SCOC: variants seen among roughly 807,000 people sequenced by gnomAD.
The protein encoded by SCOC is short coiled-coil protein.
A neutral mutation model predicts 9.9 loss-of-function variants in SCOC; 7 were observed. The observed-to-expected ratio is 0.71, with a 90% CI of 0.40 to 1.33. The LOEUF is 1.33. Ranked by LOEUF, SCOC falls within the 40% of genes most tolerant of loss-of-function variation. The pLI is 0.01. For missense variants in SCOC, 66 were observed against 89.7 expected (o/e 0.74, Z 1.07); for synonymous variants, 19 against 28.2 (o/e 0.67, Z 1.03).
At chr4:140,329,895 A>C (rs1389323457) in intron 1 of SCOC, among the ~76,000 whole-genome samples, 1 of 152,222 alleles carries the variant, frequency 6.6e-6, no homozygotes, top group Non-Finnish European at 1.5e-5. Flanking sequence ...AACAGTGTGG[A>C]GTTTCCTTAA....
intron 1 of SCOC, among the ~76,000 whole-genome samples, chr4:140,335,741 G>A (rs68039478): frequency 0.2 from 29,944 of 152,040 alleles, 3,842 homozygotes; most frequent in African/African-American, 0.36. Context: ...CTGGCTTCCA[G>A]TGTTCTTCAT....
At chr4:140,276,948 A>G (rs563205950) in intron 1 of SCOC, among the ~76,000 whole-genome samples, 2 of 152,186 alleles carry the variant, frequency 1.3e-5, no homozygotes, top group South Asian at 2.1e-4. Context: ...TGCTAATAAT[A>G]TTACTCTCTC....
At chr4:140,324,299 C>T (rs575966172) in intron 1 of SCOC, among the ~76,000 whole-genome samples, 11 of 152,216 alleles carry the variant, frequency 7.2e-5, no homozygotes, top group Admixed American at 3.3e-4. Context: ...GGGAATAAAG[C>T]GAGGATGTCC....
chr4:140,308,542 G>A (rs1732056414), intron 1 of SCOC, among the ~76,000 whole-genome samples: 1 of 152,190 alleles, frequency 6.6e-6, no homozygotes, highest in Non-Finnish European at 1.5e-5. Flanking sequence ...ATTCTTTGAT[G>A]ACACCAAGTT....
At chr4:140,259,392 A>G (rs922902474) in intron 1 of SCOC, among the ~76,000 whole-genome samples, 1 of 152,074 alleles carries the variant, frequency 6.6e-6, no homozygotes, top group African/African-American at 2.4e-5. Context: ...TAGCTTTCTC[A>G]TTGTCTACCT....
intron 1 of SCOC, among the ~76,000 whole-genome samples, chr4:140,317,074 C>G (rs1732342389): frequency 6.6e-6 from 1 of 152,112 alleles, no homozygotes; most frequent in South Asian, 2.1e-4. Flanking sequence ...CTTCCGTTGT[C>G]CATGATCTTA....
intron 1 of SCOC, among the ~76,000 whole-genome samples, chr4:140,271,672 T>C (rs1339265183): frequency 6.6e-6 from 1 of 152,288 alleles, no homozygotes; most frequent in Non-Finnish European, 1.5e-5. Flanking sequence ...GGAAGATGTT[T>C]CCATGTGGAC....
At chr4:140,363,227 C>G (rs528621299) in intron 2 of SCOC, among the ~76,000 whole-genome samples, 51 of 152,180 alleles carry the variant, frequency 3.4e-4, no homozygotes, top group Non-Finnish European at 5.6e-4. Context: ...AGTCCTTAGA[C>G]TCTGACCCAG....
chr4:140,304,871 C>A (rs1043725757), intron 1 of SCOC, among the ~76,000 whole-genome samples: 4 of 152,188 alleles, frequency 2.6e-5, no homozygotes, highest in African/African-American at 7.2e-5. Flanking sequence ...CATAAGTACC[C>A]CTTTTCTCCT....
intron 1 of SCOC, among the ~76,000 whole-genome samples, chr4:140,270,969 C>T (rs776799367): frequency 1.3e-5 from 2 of 152,186 alleles, no homozygotes; most frequent in Non-Finnish European, 2.9e-5. Flanking sequence ...CTGGACCCCC[C>T]AAACCATGCT....
At chr4:140,282,776 A>G (rs910644573) in intron 1 of SCOC, among the ~76,000 whole-genome samples, 1 of 152,062 alleles carries the variant, frequency 6.6e-6, no homozygotes, top group Admixed American at 6.5e-5. Flanking sequence ...ACATTCAGGT[A>G]CCTCCCTGCT....
intron 1 of SCOC, among the ~76,000 whole-genome samples, chr4:140,276,784 A>G (rs539429212): frequency 6.6e-6 from 1 of 152,098 alleles, no homozygotes; most frequent in Non-Finnish European, 1.5e-5. Flanking sequence ...GCAAAAAAAA[A>G]ACCATGTCTG....
chr4:140,373,276 G>T (rs1305917422), upstream of SCOC: 1 of 1,317,436 alleles, frequency 7.6e-7, no homozygotes, highest in Non-Finnish European at 9.7e-7. Flanking sequence ...TTTCCTGAAT[G>T]ACTTCTCTGT....
At chr4:140,291,573 CA>C (rs1560686181) in intron 1 of SCOC, 1 of 449,724 alleles carries the variant, frequency 2.2e-6, no homozygotes, top group Admixed American at 2.4e-5. Flanking sequence ...AGCAACAGAA[CA>C]AAAAAGAATT....
chr4:140,308,415 C>T (rs1732051976), intron 1 of SCOC, among the ~76,000 whole-genome samples: 1 of 152,158 alleles, frequency 6.6e-6, no homozygotes, highest in African/African-American at 2.4e-5. Context: ...ACTGTATGCA[C>T]ACTGGAGAAA....
At chr4:140,339,549 C>T (rs1462164512), upstream of SCOC, among the ~76,000 whole-genome samples, 1 of 152,176 alleles carries the variant, frequency 6.6e-6, no homozygotes, top group Non-Finnish European at 1.5e-5. Context: ...GCAATCTACT[C>T]ATCTGACAAA....
upstream of SCOC, among the ~76,000 whole-genome samples, chr4:140,343,288 C>T (rs996037509): frequency 6.6e-6 from 1 of 152,208 alleles, no homozygotes; most frequent in African/African-American, 2.4e-5. Context: ...TTTCTTCCCC[C>T]AACCTTATCC....
chr4:140,335,025 T>G (rs1732920231), intron 1 of SCOC, among the ~76,000 whole-genome samples: 1 of 152,244 alleles, frequency 6.6e-6, no homozygotes, highest in Non-Finnish European at 1.5e-5. Flanking sequence ...AAGTGATTAT[T>G]TCACTTGGTA....
At chr4:140,276,196 G>A (rs972617067) in intron 1 of SCOC, among the ~76,000 whole-genome samples, 2 of 152,110 alleles carry the variant, frequency 1.3e-5, no homozygotes, top group Admixed American at 6.5e-5. Flanking sequence ...TAGAGATGGG[G>A]TTTCACCGTG....
Sources: gnomAD v4.1 joint callset for allele counts (sites outside exome capture counted in the v4.1 genomes callset) on GRCh38, gnomAD v4.1.1 for gene constraint, MANE v1.5 for transcripts, NCBI Gene and HGNC (gene_info 2026-07-23, HGNC 2026-07-21) for gene names.